The following PTPRD variants were observed in gnomAD, a reference collection of about 807,000 sequenced individuals.
PTPRD encodes the protein protein tyrosine phosphatase receptor type D, also known as receptor-type tyrosine-protein phosphatase delta.
A neutral mutation model predicts 214.5 loss-of-function variants in PTPRD; 34 were observed. That is an observed-to-expected ratio of 0.16 (90% CI 0.12 to 0.21). PTPRD has a LOEUF of 0.21. PTPRD is among the 10% of genes least tolerant of loss of function. The pLI, the probability that PTPRD is intolerant of heterozygous loss-of-function variation, is 1.00. For missense variants in PTPRD, 2,545 were observed against 2,398.7 expected, an observed-to-expected ratio of 1.06 and a Z score of -1.27; for synonymous variants, 1,128 against 845.7, an observed-to-expected ratio of 1.33 and a Z score of -5.79.
intron 3 of PTPRD, among the ~76,000 whole-genome samples, chr9:10,221,571 A>T (rs2099571165): frequency 6.6e-6 from 1 of 152,008 alleles, no homozygotes; most frequent in Non-Finnish European, 1.5e-5. Flanking sequence ...AGCCAATAGG[A>T]ATGCATTTAT....
At chr9:9,291,900 A>G (rs1161487449) in intron 9 of PTPRD, among the ~76,000 whole-genome samples, 1 of 150,512 alleles carries the variant, frequency 6.6e-6, no homozygotes, top group East Asian at 2.0e-4. Flanking sequence ...ATATATATAT[A>G]TATATATCTC....
At position 10,491,686 on chromosome 9, in the gene PTPRD, C is replaced by T. The variant is rs73394307; in HGVS notation, c.-600+120712G>A. Among the ~76,000 whole-genome samples, 882 of 151,344 alleles carry T rather than the reference C, an allele frequency of 5.8e-3. 7 individuals carry two copies. The highest frequency in any genetic ancestry group is 0.02 in the African/African-American group (846 of 41,338). On this transcript the variant is annotated intron_variant, in intron 2 of 45. Transcript: ENST00000381196. The stretch of plus-strand genomic sequence containing the variant: ...AGAGAAAAAAGTAGTATTTCTAAGA[C>T]GATATGCCACAATTTTCAGGGTTTC...
chr9:10,544,798 T>C (rs2059855663), intron 2 of PTPRD, among the ~76,000 whole-genome samples: 1 of 152,180 alleles, frequency 6.6e-6, no homozygotes, highest in Non-Finnish European at 1.5e-5. Context: ...TTAATGCTTA[T>C]CAGCAAAATG....
chr9:9,931,656 G>A (rs899043895), intron 5 of PTPRD, among the ~76,000 whole-genome samples: 2 of 151,200 alleles, frequency 1.3e-5, no homozygotes, highest in African/African-American at 4.9e-5. Context: ...GGGGAGGGGC[G>A]CCCACCATTG....
chr9:8,751,924 C>A (rs1034402677), intron 11 of PTPRD, among the ~76,000 whole-genome samples: 11 of 152,184 alleles, frequency 7.2e-5, no homozygotes, highest in African/African-American at 2.7e-4. Flanking sequence ...CTATTCCCTT[C>A]CTGGATTGAC....
chr9:10,114,949 T>G (rs1213316741), intron 3 of PTPRD, among the ~76,000 whole-genome samples: 1 of 151,636 alleles, frequency 6.6e-6, no homozygotes, highest in Non-Finnish European at 1.5e-5. Flanking sequence ...ATTACCACTG[T>G]GCCTTACCCT....
At chr9:8,635,357 G>A (rs957535013) in intron 13 of PTPRD, among the ~76,000 whole-genome samples, 1 of 151,590 alleles carries the variant, frequency 6.6e-6, no homozygotes, top group East Asian at 1.9e-4. Flanking sequence ...TTTTTTTAAT[G>A]TGCAGCAAAG....
intron 7 of PTPRD, among the ~76,000 whole-genome samples, chr9:9,620,485 C>A (rs1042369914): frequency 6.6e-6 from 1 of 152,090 alleles, no homozygotes; most frequent in African/African-American, 2.4e-5. Context: ...CAATATTAAA[C>A]CATACCAAAT....
chr9:9,316,904 T>C (rs1212040285), intron 9 of PTPRD, among the ~76,000 whole-genome samples: 1 of 152,108 alleles, frequency 6.6e-6, no homozygotes, highest in Non-Finnish European at 1.5e-5. Flanking sequence ...ATTGAGATCA[T>C]CAGGAACAAA....
chr9:10,329,548 C>G (rs974370620), intron 3 of PTPRD, among the ~76,000 whole-genome samples: 1 of 151,828 alleles, frequency 6.6e-6, no homozygotes, highest in Admixed American at 6.6e-5. Context: ...GTCTGTCTCT[C>G]TTGGCTTTTG....
intron 9 of PTPRD, among the ~76,000 whole-genome samples, chr9:9,387,548 T>C (rs895659714): frequency 6.6e-6 from 1 of 152,140 alleles, no homozygotes; most frequent in Non-Finnish European, 1.5e-5. Context: ...CTGAAAAAAA[T>C]TCCCTCCTCT....
intron 7 of PTPRD, among the ~76,000 whole-genome samples, chr9:9,705,688 A>G (rs1244545171): frequency 6.6e-6 from 1 of 152,196 alleles, no homozygotes; most frequent in African/African-American, 2.4e-5. Context: ...TCTAAGTATC[A>G]AAAGTTAATT....
intron 2 of PTPRD, among the ~76,000 whole-genome samples, chr9:10,431,203 T>C (rs4740450): frequency 0.11 from 16,112 of 151,974 alleles, 1,598 homozygotes; most frequent in East Asian, 0.56. Context: ...AGAATCACTG[T>C]TTGAAAGGTT....
At chr9:9,133,992 T>A (rs1464731599) in intron 10 of PTPRD, among the ~76,000 whole-genome samples, 1 of 148,654 alleles carries the variant, frequency 6.7e-6, no homozygotes, top group Non-Finnish European at 1.5e-5. Context: ...CTTACCTCCA[T>A]CCCCAAATCT....
intron 26 of PTPRD, among the ~76,000 whole-genome samples, chr9:8,496,470 T>C (rs982841468): frequency 3.3e-5 from 5 of 152,226 alleles, no homozygotes; most frequent in African/African-American, 1.2e-4. Flanking sequence ...AGGTGTCACA[T>C]CATGTGTCCC....
chr9:8,802,272 T>C (rs2096587066), intron 11 of PTPRD, among the ~76,000 whole-genome samples: 1 of 152,130 alleles, frequency 6.6e-6, no homozygotes, highest in Non-Finnish European at 1.5e-5. Flanking sequence ...GGTTTTTTGG[T>C]ACAAGTCTGA....
intron 5 of PTPRD, among the ~76,000 whole-genome samples, chr9:9,848,368 T>C (rs1005731613): frequency 6.6e-6 from 1 of 152,110 alleles, no homozygotes; most frequent in Non-Finnish European, 1.5e-5. Flanking sequence ...CAGAAATGCA[T>C]TTCAAAAGTA....
At chr9:8,516,798 CTTTTTTTTTTTT>C (rs71500960) in intron 21 of PTPRD, among the ~76,000 whole-genome samples, 8,791 of 108,492 alleles carry the variant, frequency 0.081, 986 homozygotes, top group African/African-American at 0.28. Flanking sequence ...CAAGAATAAA[CTTTTTTTTTTTT>C]TTTTTTTTTT....
At chr9:10,082,343 C>A (rs565908297) in intron 3 of PTPRD, among the ~76,000 whole-genome samples, 176 of 152,182 alleles carry the variant, frequency 1.2e-3, no homozygotes, top group Non-Finnish European at 2.1e-3. Context: ...ATGTCCCAAA[C>A]ACGGTCAAGA....
Sources: gnomAD v4.1 joint callset for allele counts (sites outside exome capture counted in the v4.1 genomes callset) on GRCh38, gnomAD v4.1.1 for gene constraint, MANE v1.5 for transcripts, NCBI Gene and HGNC (gene_info 2026-07-23, HGNC 2026-07-21) for gene names.